CNTNAP2: variants seen among roughly 807,000 people sequenced by gnomAD.
CNTNAP2 encodes the protein contactin associated protein 2.
A neutral mutation model predicts 155.2 loss-of-function variants in CNTNAP2; 98 were observed. That is an observed-to-expected ratio of 0.63 (90% CI 0.54 to 0.75). The LOEUF (loss-of-function observed/expected upper bound fraction) is 0.75, where lower values mean the gene tolerates loss of function less well. CNTNAP2 is among the 30% of genes least tolerant of loss of function. The pLI, the probability that CNTNAP2 is intolerant of heterozygous loss-of-function variation, is 0.00. For missense variants in CNTNAP2, 1,727 were observed against 1,688.1 expected (o/e 1.02, Z -0.40); for synonymous variants, 651 against 631.2 (o/e 1.03, Z -0.47).
chr7:146,288,795 T>TA (rs1416809724), intron 1 of CNTNAP2, among the ~76,000 whole-genome samples: 2 of 108,726 alleles, frequency 1.8e-5, no homozygotes, highest in African/African-American at 1.4e-4. Context: ...AATTAGTAAT[T>TA]TTTTTTTTTT....
At chr7:146,819,273 A>AG (rs1464936296) in intron 2 of CNTNAP2, among the ~76,000 whole-genome samples, 1 of 152,166 alleles carries the variant, frequency 6.6e-6, no homozygotes, top group East Asian at 1.9e-4. Flanking sequence ...TGACAATGGT[A>AG]GTTATTTCTA....
At chr7:148,052,756 A>T (rs2116497141) in intron 15 of CNTNAP2, among the ~76,000 whole-genome samples, 1 of 152,388 alleles carries the variant, frequency 6.6e-6, no homozygotes, top group East Asian at 1.9e-4. Flanking sequence ...CCTTAAAAAT[A>T]AGTCTCCTAG....
intron 12 of CNTNAP2, among the ~76,000 whole-genome samples, chr7:147,619,033 G>A (rs1310079568): frequency 6.6e-6 from 1 of 152,138 alleles, no homozygotes; most frequent in Non-Finnish European, 1.5e-5. Context: ...CATGCCCAGT[G>A]TTTCAAATAT....
intron 1 of CNTNAP2, among the ~76,000 whole-genome samples, chr7:146,378,689 T>C (rs1795339435): frequency 6.6e-6 from 1 of 152,186 alleles, no homozygotes; most frequent in Admixed American, 6.5e-5. Context: ...GATGATGGCA[T>C]ACATGTTACA....
At chr7:148,114,087 A>G (rs1361579030) in intron 15 of CNTNAP2, among the ~76,000 whole-genome samples, 4 of 152,156 alleles carry the variant, frequency 2.6e-5, no homozygotes, top group Non-Finnish European at 4.4e-5. Flanking sequence ...CTTTACCTCC[A>G]TAGCACTGAC....
chr7:147,348,775 A>G (rs929787713), intron 9 of CNTNAP2, among the ~76,000 whole-genome samples: 4 of 152,076 alleles, frequency 2.6e-5, no homozygotes, highest in Non-Finnish European at 5.9e-5. Context: ...TGAGCTAAAA[A>G]ATGCGGTATA....
At chr7:146,281,381 T>C (rs565170930) in intron 1 of CNTNAP2, among the ~76,000 whole-genome samples, 9 of 152,246 alleles carry the variant, frequency 5.9e-5, no homozygotes, top group Non-Finnish European at 1.0e-4. Context: ...GGTACTTTCC[T>C]GGCATTTCTG....
intron 20 of CNTNAP2, among the ~76,000 whole-genome samples, chr7:148,246,573 G>A (rs1199559306): frequency 6.7e-6 from 1 of 149,560 alleles, no homozygotes; most frequent in South Asian, 2.1e-4. Context: ...CACAATTTGA[G>A]CAAACCTATA....
intron 21 of CNTNAP2, among the ~76,000 whole-genome samples, chr7:148,367,970 C>CG (rs1563061056): frequency 1.3e-5 from 2 of 152,110 alleles, no homozygotes; most frequent in Non-Finnish European, 1.5e-5. Context: ...AAGCACACAG[C>CG]GAGCATTGTC....
chr7:148,068,847 A>C (rs1329572864), intron 15 of CNTNAP2, among the ~76,000 whole-genome samples: 1 of 152,184 alleles, frequency 6.6e-6, no homozygotes, highest in East Asian at 1.9e-4. Flanking sequence ...TTTATTACAC[A>C]CATGAATTTA....
intron 1 of CNTNAP2, among the ~76,000 whole-genome samples, chr7:146,251,595 T>C (rs1329721669): frequency 6.6e-6 from 1 of 152,210 alleles, no homozygotes; most frequent in African/African-American, 2.4e-5. Context: ...TAACACATGA[T>C]AGATGCTAAT....
intron 11 of CNTNAP2, among the ~76,000 whole-genome samples, chr7:147,491,539 C>T (rs1798609414): frequency 6.6e-6 from 1 of 152,198 alleles, no homozygotes; most frequent in Non-Finnish European, 1.5e-5. Flanking sequence ...ATATCTTTCT[C>T]CTCCACTGGT....
At chr7:146,394,902 T>C (rs971708202) in intron 1 of CNTNAP2, among the ~76,000 whole-genome samples, 1 of 152,120 alleles carries the variant, frequency 6.6e-6, no homozygotes, top group Non-Finnish European at 1.5e-5. Flanking sequence ...CCCTCCCACC[T>C]GTTTGCATCT....
chr7:147,414,160 C>T (rs952797785), intron 10 of CNTNAP2, among the ~76,000 whole-genome samples: 3 of 152,126 alleles, frequency 2.0e-5, no homozygotes, highest in Non-Finnish European at 2.9e-5. Flanking sequence ...CGCAGTGGCT[C>T]ACACCTGTAA....
At chr7:147,585,735 CT>C (rs1435214321) in intron 12 of CNTNAP2, among the ~76,000 whole-genome samples, 1 of 150,408 alleles carries the variant, frequency 6.6e-6, no homozygotes, top group African/African-American at 2.5e-5. Flanking sequence ...GGTGTTTTAC[CT>C]CTCTAAAAGT....
At chr7:146,469,406 C>A (rs1187656385) in intron 1 of CNTNAP2, among the ~76,000 whole-genome samples, 1 of 151,580 alleles carries the variant, frequency 6.6e-6, no homozygotes, top group Non-Finnish European at 1.5e-5. Context: ...TGCCACTGCC[C>A]AGTTAAAGAA....
chr7:148,229,329 G>A (rs1795917380), intron 19 of CNTNAP2, among the ~76,000 whole-genome samples: 1 of 152,190 alleles, frequency 6.6e-6, no homozygotes. Context: ...TTCGAGACCA[G>A]CCTGGCCAGC....
At position 146,463,555 on chromosome 7, in the gene CNTNAP2, TAC is replaced by T. The variant is rs543741603; in HGVS notation, c.98-310706_98-310705del. 1.9e-4 allele frequency among the ~76,000 whole-genome samples: 29 copies of T among 152,072 alleles called. 1 individual carries two copies. Among genetic ancestry groups the T allele is most frequent in the African/African-American group, 2.4e-4 (10 of 41,478 alleles). On this transcript the variant is annotated intron_variant, in intron 1 of 23. Transcript: ENST00000361727. ...CACAGTATACAAGTAATATATATGA[TAC>T]ACACACACATATACGTACATATATA...
At position 146,623,946 on chromosome 7, in the gene CNTNAP2, C is replaced by T. The variant is rs115901632; in HGVS notation, c.98-150325C>T. On this transcript the variant is annotated intron_variant, in intron 1 of 23. Transcript: ENST00000361727. Reference sequence around the variant, plus strand: ...ATATTCTTAGTTTTGTGGATGTTCGCCATTCTAGTAGTTCCGTAGTGCCAC... The same window carrying T: ...ATATTCTTAGTTTTGTGGATGTTCGTCATTCTAGTAGTTCCGTAGTGCCAC... 8.6e-3 allele frequency among the ~76,000 whole-genome samples: 1,312 copies of T among 152,130 alleles called. 13 individuals carry two copies. Among genetic ancestry groups the T allele is most frequent in the African/African-American group, 0.03 (1,244 of 41,510 alleles).
Sources: allele counts gnomAD v4.1 joint callset (sites outside exome capture counted in the v4.1 genomes callset), GRCh38; gene constraint gnomAD v4.1.1; transcripts MANE v1.5; gene names NCBI Gene and HGNC (gene_info 2026-07-23, HGNC 2026-07-21).